ZNF536: variants seen among roughly 807,000 people sequenced by gnomAD.
ZNF536 encodes zinc finger protein 536.
In ZNF536, 13 loss-of-function variants were observed where a neutral mutation model predicts 84.5. The ratio of observed to expected loss-of-function variants is 0.15; its 90% CI spans 0.10 to 0.24. The LOEUF (loss-of-function observed/expected upper bound fraction) is 0.24. Among genes scored for constraint, ZNF536 ranks in the 10% least tolerant of loss-of-function variants. ZNF536 has a pLI of 1.00. For missense variants in ZNF536, 1,536 were observed against 1,747.5 expected, an observed-to-expected ratio of 0.88 and a Z score of 2.16; for synonymous variants, 811 against 742.5, an observed-to-expected ratio of 1.09 and a Z score of -1.50.
rs753554537 is a variant in ZNF536, at chr19:30,444,885, G to T, written c.1323G>T (p.Pro441=). The part of the protein sequence containing the change: ...LSCLQSGFMT[P]DKAGLSEPSQ... ...GCCTGCAGAGTGGCTTCATGACCCC[G>T]GACAAAGCCGGCCTGAGCGAGCCCA... Residue 441 remains proline, a synonymous_variant, in exon 2 of 5, where the codon CCG becomes CCT. Transcript: ENST00000355537. The T allele has an allele frequency of 6.2e-7, 1 of 1,612,254 alleles. No individual in the cohort carries two copies. The highest frequency in any genetic ancestry group is 2.2e-5 in the East Asian group (1 of 44,878).
intron 2 of ZNF536, among the ~76,000 whole-genome samples, chr19:30,470,010 C>A (rs1347566949): frequency 6.6e-6 from 1 of 152,198 alleles, no homozygotes; most frequent in Non-Finnish European, 1.5e-5. Context: ...AACCAAAAAA[C>A]AAAGTGTACG....
rs142300220 is a variant in ZNF536, at chr19:30,258,458, G to A, written c.-189-25614G>A. Among the ~76,000 whole-genome samples the A allele has an allele frequency of 8.8e-4, 134 of 152,276 alleles. 1 individual carries two copies. Among genetic ancestry groups the A allele is most frequent in the Middle Eastern group, 3.4e-3 (1 of 294 alleles). On this transcript the variant is annotated intron_variant, in intron 1 of 5. Transcript: ENST00000585628. Reference sequence around the variant, plus strand: ...TGTTCAATATGTAGTTGTATAATGCGTAGTTGTTTCCTGTTTCATAGATAG... The same window carrying A: ...TGTTCAATATGTAGTTGTATAATGCATAGTTGTTTCCTGTTTCATAGATAG...
At chr19:30,521,704 A>G (rs922786957) in intron 2 of ZNF536, among the ~76,000 whole-genome samples, 10 of 152,150 alleles carry the variant, frequency 6.6e-5, no homozygotes, top group Non-Finnish European at 1.3e-4. Context: ...TTTACAGGCT[A>G]GAAGGAAAGC....
chr19:30,399,683 T>TTG (rs2049966501), intron 1 of ZNF536, among the ~76,000 whole-genome samples: 1 of 149,390 alleles, frequency 6.7e-6, no homozygotes, highest in South Asian at 2.2e-4. Flanking sequence ...AGAAATGTTT[T>TTG]TTTTTTTTTT....
intron 2 of ZNF536, among the ~76,000 whole-genome samples, chr19:30,458,279 T>G (rs1480424679): frequency 6.6e-6 from 1 of 152,002 alleles, no homozygotes; most frequent in East Asian, 1.9e-4. Flanking sequence ...CGGAGACGCC[T>G]CTCAGCTTCC....
chr19:30,611,672 A>G (rs2048109706), intron 1 of ZNF536, among the ~76,000 whole-genome samples: 2 of 152,182 alleles, frequency 1.3e-5, no homozygotes, highest in Admixed American at 1.3e-4. Flanking sequence ...GGCGCGTACT[A>G]TTTCTGCATA....
intron 1 of ZNF536, 98 bp from the exon 2 acceptor site, chr19:30,443,463 G>C (rs2052159200): frequency 6.9e-7 from 1 of 1,455,056 alleles, no homozygotes; most frequent in Admixed American, 2.6e-5. Flanking sequence ...TTATGTGTAG[G>C]TAAGGCATGA....
At chr19:30,425,016 G>A (rs1260040019) in intron 1 of ZNF536, among the ~76,000 whole-genome samples, 3 of 152,098 alleles carry the variant, frequency 2.0e-5, no homozygotes, top group Non-Finnish European at 2.9e-5. Context: ...ATTTAAATGA[G>A]TTTGGTAGAA....
At chr19:30,400,588 G>T (rs2050006615) in intron 1 of ZNF536, among the ~76,000 whole-genome samples, 1 of 152,102 alleles carries the variant, frequency 6.6e-6, no homozygotes, top group African/African-American at 2.4e-5. Flanking sequence ...TTGAGACAAG[G>T]TCTCACTTTG....
intron 2 of ZNF536, among the ~76,000 whole-genome samples, chr19:30,517,340 G>A (rs954603277): frequency 5.9e-5 from 9 of 152,096 alleles, no homozygotes; most frequent in African/African-American, 2.2e-4. Context: ...GGTGGAAAGG[G>A]CTCCCAGGAT....
At chr19:30,329,669 A>G (rs954658747) in intron 2 of ZNF536, among the ~76,000 whole-genome samples, 1 of 152,224 alleles carries the variant, frequency 6.6e-6, no homozygotes, top group Non-Finnish European at 1.5e-5. Context: ...ACAAAAGTTT[A>G]TCAGGCCCCT....
At chr19:30,512,789 T>A (rs1287309803) in intron 2 of ZNF536, among the ~76,000 whole-genome samples, 1 of 152,234 alleles carries the variant, frequency 6.6e-6, no homozygotes, top group Non-Finnish European at 1.5e-5. Flanking sequence ...GTTTGGTTAA[T>A]AAATTCTGCA....
At chr19:30,595,375 T>C (rs2047426266) in intron 1 of ZNF536, among the ~76,000 whole-genome samples, 1 of 152,068 alleles carries the variant, frequency 6.6e-6, no homozygotes, top group South Asian at 2.1e-4. Flanking sequence ...GCAGCCTTGA[T>C]CTCCTCAGTT....
intron 2 of ZNF536, among the ~76,000 whole-genome samples, chr19:30,510,641 G>T (rs2055371064): frequency 6.6e-6 from 1 of 152,172 alleles, no homozygotes; most frequent in Non-Finnish European, 1.5e-5. Flanking sequence ...TAGAGTGTTG[G>T]CCATTGACCT....
At chr19:30,546,925 A>G (rs997857745) in intron 3 of ZNF536, among the ~76,000 whole-genome samples, 6 of 152,170 alleles carry the variant, frequency 3.9e-5, no homozygotes, top group African/African-American at 9.7e-5. Context: ...ATGCCAGCAA[A>G]TGTAAGTTGT....
upstream of ZNF536, among the ~76,000 whole-genome samples, chr19:30,225,979 G>A (rs572065481): frequency 4.8e-3 from 734 of 152,118 alleles, 7 homozygotes; most frequent in African/African-American, 0.017. Flanking sequence ...CCGAGCCGGC[G>A]GCTGCGGCCG....
At position 30,444,790 on chromosome 19, in the gene ZNF536, G is replaced by A. The variant is rs750562223; in HGVS notation, c.1228G>A (p.Glu410Lys). 6.8e-6 allele frequency: 11 copies of A among 1,613,800 alleles called. No homozygotes were observed. The highest frequency in any genetic ancestry group is 1.3e-5 in the African/African-American group (1 of 74,940). ...GAAGAACAAGTCCCCCAGCGACCCC[G>A]AGGTGCCTGTGCCCATGGGCGGCAT... ...SVKNKSPSDPEVPVPMGGMSQ... is the reference protein window; with the variant it reads ...SVKNKSPSDPKVPVPMGGMSQ... The change falls in exon 2 of 5, where the codon GAG (glutamate) becomes AAG (lysine). Residue 410 changes from glutamate (E) to lysine (K), a missense_variant. Around this residue, in one of 8 missense-constraint regions of ZNF536, gnomAD observed 366 missense variants for 364.4 expected, o/e 1.00. Coordinates refer to ENST00000355537, the MANE Select transcript of ZNF536 (RefSeq NM_014717.3).
upstream of ZNF536, among the ~76,000 whole-genome samples, chr19:30,225,988 C>T (rs1422297634): frequency 6.6e-6 from 1 of 151,748 alleles, no homozygotes; most frequent in African/African-American, 2.4e-5. Flanking sequence ...CGGCTGCGGC[C>T]GGGCATCGTA....
rs74691999 is a variant in ZNF536, at chr19:30,656,205, C to A, written c.170-54552C>A. The stretch of plus-strand genomic sequence containing the variant: ...CTGTCCTTGGTGTTACTCAAAGGAA[C>A]AATTGCCTGGTCTTCTGAATTGGGA... On this transcript the variant is annotated intron_variant, in intron 1 of 1. Transcript: ENST00000592773. 4.9e-4 allele frequency among the ~76,000 whole-genome samples: 74 copies of A among 152,276 alleles called. 1 individual carries two copies. The East Asian group carries it at 8.5e-3, about 17-fold the overall frequency.
Sources: gnomAD v4.1 joint callset for allele counts (sites outside exome capture counted in the v4.1 genomes callset) on GRCh38, gnomAD v4.1.1 for gene constraint, gnomAD v4.1.1 regional missense constraint, MANE v1.5 for transcripts, NCBI Gene and HGNC (gene_info 2026-07-23, HGNC 2026-07-21) for gene names.